The following USP48 variants were observed in gnomAD, a reference collection of about 807,000 sequenced individuals.
USP48 encodes the protein ubiquitin specific peptidase 48.
A neutral mutation model predicts 150.7 loss-of-function variants in USP48; 43 were observed. The ratio of observed to expected loss-of-function variants is 0.29; its 90% confidence interval spans 0.22 to 0.37. USP48 has a LOEUF of 0.37. Among genes scored for constraint, USP48 ranks in the 10% least tolerant of loss-of-function variants. The pLI, the probability that USP48 is intolerant of heterozygous loss-of-function variation, is 1.00. For missense variants in USP48, 813 were observed against 1,249.6 expected, an observed-to-expected ratio of 0.65 and a Z score of 5.27; for synonymous variants, 396 against 425.9, an observed-to-expected ratio of 0.93 and a Z score of 0.86.
intron 3 of USP48, among the ~76,000 whole-genome samples, chr1:21,755,422 G>A (rs1328074144): frequency 1.3e-5 from 2 of 152,000 alleles, no homozygotes; most frequent in African/African-American, 4.8e-5. Context: ...TTAGCAAGAG[G>A]TGGTGGTGCA....
chr1:21,729,191 A>G (rs562198961), intron 10 of USP48, among the ~76,000 whole-genome samples: 338 of 152,130 alleles, frequency 2.2e-3, no homozygotes, highest in Non-Finnish European at 3.7e-3. Context: ...GCTGAGGCAC[A>G]GAACTGCTTA....
intron 8 of USP48, among the ~76,000 whole-genome samples, chr1:21,741,474 C>T (rs568725133): frequency 3.9e-5 from 6 of 152,272 alleles, no homozygotes; most frequent in Admixed American, 1.3e-4. Flanking sequence ...TAGACACTTT[C>T]AGACAATAAT....
At position 21,736,609 on chromosome 1, in the gene USP48, A is replaced by G. The variant is rs752749881; in HGVS notation, c.1008T>C (p.Tyr336=). 3.4e-6 allele frequency: 5 copies of G among 1,486,154 alleles called. No individual in the cohort carries two copies. The highest frequency in any genetic ancestry group is 4.5e-6 in the Non-Finnish European group (5 of 1,123,198). The allele number at this position is 1,486,154 out of a possible 1,614,324, so 92.1% of individuals were successfully genotyped here. A position where few individuals can be genotyped will look rare whatever the true frequency, so the allele number is the denominator to read the frequency against. ...YVEHKGGSYV[Y]ELSAVLIHRG... ...TGTGTATGAGGACTGCGCTGAGTTC[A>G]TACACGTAGGACCCACCTGGAGAGA... The change falls in exon 9 of 27, where the codon TAT becomes TAC. Residue 336 remains tyrosine (Y), a synonymous_variant. Coordinates refer to ENST00000308271, the MANE Select transcript of USP48 (RefSeq NM_032236.8).
At chr1:21,736,885 G>A (rs2097769921) in intron 8 of USP48, among the ~76,000 whole-genome samples, 1 of 152,080 alleles carries the variant, frequency 6.6e-6, no homozygotes, top group Non-Finnish European at 1.5e-5. Flanking sequence ...CGGCCTCCTG[G>A]GCACTCAGGG....
At chr1:21,776,531 C>A (rs2097898785) in intron 1 of USP48, among the ~76,000 whole-genome samples, 1 of 129,512 alleles carries the variant, frequency 7.7e-6, no homozygotes, top group Admixed American at 1.0e-4. Flanking sequence ...TGAGACCAGC[C>A]TGGGCAATGT....
At chr1:21,709,552 CTACAATATT>C (rs2097684592) in intron 15 of USP48, among the ~76,000 whole-genome samples, 1 of 150,408 alleles carries the variant, frequency 6.6e-6, no homozygotes, top group Non-Finnish European at 1.5e-5. Flanking sequence ...TCCACGGCAA[CTACAATATT>C]TAAATGGTTT....
In USP48 at chr1:21,755,290, G is replaced by A. The variant is rs895245072; in HGVS notation, c.412+1256C>T. On this transcript the variant is annotated intron_variant, in intron 3 of 26. Transcript: ENST00000308271. Reference sequence around the variant, plus strand: ...TAAAAGCTATTCAAGGCCAGGTGCTGTGGCTCATGCCTGTAATCCCAGCAC... The same window carrying A: ...TAAAAGCTATTCAAGGCCAGGTGCTATGGCTCATGCCTGTAATCCCAGCAC... Among the ~76,000 whole-genome samples, 4 of 152,076 alleles carry A rather than the reference G, an allele frequency of 2.6e-5. No homozygotes were observed. In the East Asian group the frequency reaches 5.8e-4, roughly 22 times the overall value.
chr1:21,687,065 TA>T, intron 25 of USP48, 125 bp downstream of exon 25: 1 of 869,404 alleles, frequency 1.2e-6, no homozygotes, highest in Non-Finnish European at 1.8e-6. Context: ...TATTCTACTG[TA>T]ACAATATGTG....
intron 8 of USP48, among the ~76,000 whole-genome samples, chr1:21,740,396 C>T (rs909570449): frequency 6.6e-6 from 1 of 152,228 alleles, no homozygotes; most frequent in Non-Finnish European, 1.5e-5. Context: ...AATGAATCTG[C>T]TCTCCACAGG....
intron 1 of USP48, among the ~76,000 whole-genome samples, chr1:21,780,011 G>A (rs146421619): frequency 1.1e-4 from 17 of 152,222 alleles, no homozygotes; most frequent in East Asian, 5.8e-4. Flanking sequence ...TTCGCGGTTC[G>A]GTTAAGTTAA....
chr1:21,690,006 C>T lies in USP48; in HGVS notation c.2977G>A (p.Gly993Ser). The T allele has an allele frequency of 1.2e-6, 2 of 1,614,010 alleles. No individual in the cohort carries two copies. Among genetic ancestry groups the T allele is most frequent in the Non-Finnish European group, 1.7e-6 (2 of 1,179,978 alleles). Residue 993 changes from glycine to serine, a missense_variant, in exon 24 of 27, where the codon GGC becomes AGC. Physicochemically the swap from Gly to Ser is moderately conservative, Grantham distance 56 (BLOSUM62 0). Transcript: ENST00000308271. ...SDDCATLGTLGVIPESVILLK... is the reference protein window; with the variant it reads ...SDDCATLGTLSVIPESVILLK... ...AAAATGACAGATTCAGGAATGACGC[C>T]AAGGGTGCCTAGGGTGGCACAGTCA... is the stretch of plus-strand genomic sequence containing the variant.
intron 15 of USP48, among the ~76,000 whole-genome samples, chr1:21,707,813 A>G (rs2097677172): frequency 6.6e-6 from 1 of 152,254 alleles, no homozygotes; most frequent in Non-Finnish European, 1.5e-5. Flanking sequence ...ATGAATTTAG[A>G]AAGATGAATA....
At chr1:21,750,890 A>G (rs2097810687) in intron 6 of USP48, among the ~76,000 whole-genome samples, 1 of 152,130 alleles carries the variant, frequency 6.6e-6, no homozygotes, top group Non-Finnish European at 1.5e-5. Flanking sequence ...CTCAAAAAAA[A>G]AAAAAAAATT....
At chr1:21,687,969 T>C in intron 24 of USP48, among the ~76,000 whole-genome samples, 1 of 151,820 alleles carries the variant, frequency 6.6e-6, no homozygotes, top group East Asian at 1.9e-4. Flanking sequence ...ATGGATGGGG[T>C]AGATATGGGT....
intron 22 of USP48, among the ~76,000 whole-genome samples, chr1:21,699,192 A>ATTTTTTTTTTTTTTTTT (rs71016932): frequency 1.6e-5 from 1 of 63,612 alleles, no homozygotes; most frequent in Non-Finnish European, 3.1e-5. Flanking sequence ...ACCACACCTA[A>ATTTTTTTTTTTTTTTTT]TTTTTTTTTT....
Position 21,748,291 on chromosome 1 carries a change from AT to A in USP48, c.775-21del. The A allele has an allele frequency of 6.3e-7, 1 of 1,589,512 alleles. No homozygotes were observed. On this transcript the variant is annotated intron_variant, in intron 6 of 26. Transcript: ENST00000308271. ...TTCTTCCTGATCAAGAATAAGACAT[AT>A]TAATTTTAAAAAGAAGATGGGTTTA...
At chr1:21,684,994 T>G (rs1464955644) in intron 25 of USP48, among the ~76,000 whole-genome samples, 1 of 152,196 alleles carries the variant, frequency 6.6e-6, no homozygotes, top group Non-Finnish European at 1.5e-5. Flanking sequence ...TTGTTCTTTT[T>G]GCTGAGGATT....
intron 4 of USP48, 96 bp from the exon 5 acceptor site, chr1:21,752,747 C>T: frequency 7.3e-7 from 1 of 1,372,308 alleles, no homozygotes; most frequent in South Asian, 1.5e-5. Context: ...ACTACCTATA[C>T]TTTCAACTTA....
intron 1 of USP48, among the ~76,000 whole-genome samples, chr1:21,760,025 T>C (rs901623845): frequency 1.3e-5 from 2 of 152,204 alleles, no homozygotes; most frequent in African/African-American, 4.8e-5. Context: ...CACCCAGTAA[T>C]GAATCTAATT....
Sources: allele counts gnomAD v4.1 joint callset (sites outside exome capture counted in the v4.1 genomes callset), GRCh38; gene constraint gnomAD v4.1.1; transcripts MANE v1.5; gene names NCBI Gene and HGNC (gene_info 2026-07-23, HGNC 2026-07-21).